MACROD2: variants seen among roughly 807,000 people sequenced by gnomAD.
MACROD2 encodes the protein ADP-ribose glycohydrolase MACROD2.
A neutral mutation model predicts 70.4 loss-of-function variants in MACROD2; 36 were observed. That is an observed-to-expected ratio of 0.51 (90% confidence interval 0.39 to 0.68). The LOEUF (loss-of-function observed/expected upper bound fraction) is 0.68, where lower values mean the gene tolerates loss of function less well. MACROD2 is among the 30% of genes least tolerant of loss of function. MACROD2 has a pLI of 0.00. For synonymous variants in MACROD2, 172 were observed against 178.8 expected (o/e 0.96, Z 0.30); for missense variants, 496 against 538.4 (o/e 0.92, Z 0.78).
intron 4 of MACROD2, among the ~76,000 whole-genome samples, chr20:14,648,634 A>ATATC (rs1257755852): frequency 4.0e-5 from 6 of 151,668 alleles, no homozygotes; most frequent in Non-Finnish European, 8.8e-5. Flanking sequence ...ATATATATAT[A>ATATC]TATCTATCTA....
At chr20:15,325,697 T>C (rs2077921443) in intron 6 of MACROD2, among the ~76,000 whole-genome samples, 1 of 152,162 alleles carries the variant, frequency 6.6e-6, no homozygotes, top group African/African-American at 2.4e-5. Context: ...ACTTGTATCA[T>C]TCGTGGCATG....
At chr20:15,736,738 A>G (rs2051026461) in intron 8 of MACROD2, among the ~76,000 whole-genome samples, 1 of 152,166 alleles carries the variant, frequency 6.6e-6, no homozygotes, top group African/African-American at 2.4e-5. Flanking sequence ...ACAGTATTTG[A>G]GGGATATGGG....
At chr20:15,798,240 A>C (rs939368703) in intron 8 of MACROD2, among the ~76,000 whole-genome samples, 10 of 152,288 alleles carry the variant, frequency 6.6e-5, no homozygotes, top group African/African-American at 2.4e-4. Context: ...CCTGTCCCAC[A>C]ATGTCTGGGG....
At chr20:14,917,675 A>G (rs1277346397) in intron 5 of MACROD2, among the ~76,000 whole-genome samples, 2 of 152,170 alleles carry the variant, frequency 1.3e-5, no homozygotes, top group African/African-American at 2.4e-5. Flanking sequence ...GAAGCTCATC[A>G]TGGAGGAGAA....
chr20:16,041,027 A>C (rs1377634010), intron 15 of MACROD2, among the ~76,000 whole-genome samples, 174 bp from the exon 16 acceptor site: 1 of 152,030 alleles, frequency 6.6e-6, no homozygotes, highest in East Asian at 1.9e-4. Flanking sequence ...GGCCACACAA[A>C]AGTATTCAAG....
chr20:15,143,326 T>C (rs1456370820), intron 5 of MACROD2, among the ~76,000 whole-genome samples: 1 of 152,220 alleles, frequency 6.6e-6, no homozygotes, highest in Non-Finnish European at 1.5e-5. Flanking sequence ...GAAGTGTCTG[T>C]TCATATCCTT....
At position 14,228,191 on chromosome 20, in the gene MACROD2, A is replaced by T. The variant is rs200408460; in HGVS notation, c.271+142463A>T. On this transcript the variant is annotated intron_variant, in intron 3 of 17. Coordinates refer to ENST00000684519, the MANE Select transcript of MACROD2 (RefSeq NM_001351661.2). The stretch of plus-strand genomic sequence containing the variant: ...TATATATAGAGAGAGAGAGAGAGAG[A>T]GAGTGTGTGTGTGCGTGTGTAGACA... Among the ~76,000 whole-genome samples the T allele has an allele frequency of 5.4e-3, 714 of 132,322 alleles. 4 individuals are homozygous for T. The highest frequency in any genetic ancestry group is 7.6e-3 in the Non-Finnish European group (462 of 61,168). 86.8% of individuals were successfully genotyped at this position (132,322 alleles called of 152,430 possible). A position where few individuals can be genotyped will look rare whatever the true frequency, so the allele number is the denominator to read the frequency against.
intron 3 of MACROD2, among the ~76,000 whole-genome samples, chr20:14,252,791 C>T (rs2082023452): frequency 6.6e-6 from 1 of 151,970 alleles, no homozygotes; most frequent in African/African-American, 2.4e-5. Flanking sequence ...ATTGTTTAGT[C>T]TCTTCCTTTT....
At chr20:15,708,394 A>G (rs1328309276) in intron 8 of MACROD2, among the ~76,000 whole-genome samples, 2 of 152,176 alleles carry the variant, frequency 1.3e-5, no homozygotes, top group African/African-American at 2.4e-5. Flanking sequence ...AGAAGGTGAC[A>G]TGTGATGCAA....
chr20:14,697,008 T>G (rs1235194785), intron 5 of MACROD2, among the ~76,000 whole-genome samples: 1 of 152,070 alleles, frequency 6.6e-6, no homozygotes, highest in East Asian at 1.9e-4. Context: ...TGAGTTATAA[T>G]ATGTTTTGTG....
intron 5 of MACROD2, among the ~76,000 whole-genome samples, chr20:14,999,939 C>T (rs936996591): frequency 3.3e-5 from 5 of 152,218 alleles, no homozygotes; most frequent in Non-Finnish European, 7.4e-5. Flanking sequence ...CAGTATGATA[C>T]AATTTAAAGA....
chr20:15,401,215 T>A (rs949683675), intron 6 of MACROD2, among the ~76,000 whole-genome samples: 2 of 152,100 alleles, frequency 1.3e-5, no homozygotes, highest in Non-Finnish European at 2.9e-5. Flanking sequence ...TTTTTTTGTA[T>A]TTTTAGTGGA....
rs111288827 is a variant in MACROD2 at position 14,834,158 on chromosome 20, T to C, written c.418+149199T>C. ...TTTTTGCATTTCTATGAAATAACTG[T>C]TTAAAGGTTAGGAATAAAGGCCAAA... On this transcript the variant is annotated intron_variant, in intron 5 of 17. Transcript: ENST00000684519. Among the ~76,000 whole-genome samples, 1,404 of 152,018 alleles carry C rather than the reference T, an allele frequency of 9.2e-3. 31 individuals are homozygous for C. The highest frequency in any genetic ancestry group is 0.031 in the African/African-American group (1,277 of 41,474).
At chr20:15,201,745 T>G (rs570557914) in intron 5 of MACROD2, among the ~76,000 whole-genome samples, 89 of 152,336 alleles carry the variant, frequency 5.8e-4, no homozygotes, top group Admixed American at 2.9e-3. Context: ...TCTGAAAGGG[T>G]GTCCATCTCT....
intron 4 of MACROD2, among the ~76,000 whole-genome samples, chr20:14,522,409 A>G (rs557487354): frequency 1.1e-4 from 17 of 152,258 alleles, no homozygotes; most frequent in African/African-American, 3.6e-4. Context: ...CATTTTCTAG[A>G]TTGGTCAGTC....
At chr20:15,960,459 T>C (rs2066043500) in intron 12 of MACROD2, among the ~76,000 whole-genome samples, 1 of 152,130 alleles carries the variant, frequency 6.6e-6, no homozygotes, top group East Asian at 1.9e-4. Context: ...CTATCTTGGT[T>C]TTCTAAGTTT....
chr20:14,263,643 T>C (rs77418220), intron 3 of MACROD2, among the ~76,000 whole-genome samples: 2,725 of 151,982 alleles, frequency 0.018, 36 homozygotes, highest in Non-Finnish European at 0.03. Context: ...GGGTTGGAAG[T>C]GTGTGAGAGA....
intron 13 of MACROD2, among the ~76,000 whole-genome samples, chr20:15,981,814 T>C (rs1484250239): frequency 2.0e-5 from 3 of 152,152 alleles, no homozygotes; most frequent in East Asian, 3.8e-4. Context: ...GGGTTTGTGA[T>C]GACTAATTCT....
chr20:14,807,332 A>T (rs1341832550), intron 5 of MACROD2, among the ~76,000 whole-genome samples: 8 of 152,166 alleles, frequency 5.3e-5, no homozygotes, highest in Non-Finnish European at 1.2e-4. Context: ...AAACTCCAGA[A>T]GACCTACAGA....
Sources: allele counts gnomAD v4.1 joint callset (sites outside exome capture counted in the v4.1 genomes callset), GRCh38; gene constraint gnomAD v4.1.1; transcripts MANE v1.5; gene names NCBI Gene and HGNC (gene_info 2026-07-23, HGNC 2026-07-21).